MUS81: variants seen among roughly 807,000 people sequenced by gnomAD.
The protein encoded by MUS81 is MUS81 structure-specific endonuclease subunit.
Under a neutral mutation model 74.2 loss-of-function variants are expected in MUS81, and 69 were observed. The ratio of observed to expected loss-of-function variants is 0.93; its 90% CI spans 0.77 to 1.14. MUS81 has a LOEUF of 1.14. MUS81 is among the 50% of genes most tolerant of loss of function. The pLI is 0.00. For synonymous variants in MUS81, 303 were observed against 300.6 expected (o/e 1.01, Z -0.08); for missense variants, 711 against 726.5 (o/e 0.98, Z 0.25).
At chr11:65,861,666 T>C in intron 3 of MUS81, 1 of 602,144 alleles carries the variant, frequency 1.7e-6, no homozygotes, top group Non-Finnish European at 2.9e-6. Context: ...CTCAGTTAGT[T>C]ACGGGGTCAC....
upstream of MUS81, chr11:65,860,009 C>T (rs1374599708): frequency 3.6e-6 from 1 of 276,700 alleles, no homozygotes; most frequent in African/African-American, 2.2e-5. Context: ...CTCTAGGCCT[C>T]TGACCCCCGA....
rs747490735 is a variant in MUS81, at chr11:65,865,113, A to G, written c.1369A>G (p.Ser457Gly). 1 of 1,614,162 alleles carries G rather than the reference A, an allele frequency of 6.2e-7. No homozygotes were observed. The highest frequency in any genetic ancestry group is 1.3e-5 in the African/African-American group (1 of 75,026). ...CCCTCTCTGCTCACTCCTCACCTTC[A>G]GTGACTTCAACGCAGGAGCCATCAA... Reference protein sequence around the residue: ...PNPLCSLLTFSDFNAGAIKNK... With the variant: ...PNPLCSLLTFGDFNAGAIKNK... The change falls in exon 13 of 16, where the codon AGT becomes GGT. Residue 457 changes from serine (S) to glycine (G), a missense_variant. Transcript: ENST00000308110.
At chr11:65,866,971 G>A (rs1056545955), downstream of MUS81, 32 of 1,614,080 alleles carry the variant, frequency 2.0e-5, no homozygotes, top group Admixed American at 3.3e-5. Flanking sequence ...GAGCTGGCCC[G>A]GTAGCTCATG....
At chr11:65,860,220 C>G, upstream of MUS81, 1 of 455,780 alleles carries the variant, frequency 2.2e-6, no homozygotes, top group Non-Finnish European at 4.4e-6. Context: ...CCGTTTGTCT[C>G]CTAGCCCCCG....
At chr11:65,861,318 G>A in intron 2 of MUS81, 32 bp from the exon 3 acceptor site, 1 of 1,565,782 alleles carries the variant, frequency 6.4e-7, no homozygotes. Flanking sequence ...CGGATTCGTG[G>A]AGTGTGGAGT....
chr11:65,861,206 G>T (rs1351595081), intron 2 of MUS81, 104 bp downstream of exon 2: 134 of 1,577,014 alleles, frequency 8.5e-5, no homozygotes, highest in Non-Finnish European at 1.1e-4. Context: ...TCCTGTCCCA[G>T]TTGCCGTTCG....
At position 65,863,626 on chromosome 11, in the gene MUS81, G is replaced by A. The variant is rs772450771; in HGVS notation, c.866G>A (p.Arg289Gln). The A allele has an allele frequency of 3.3e-5, 53 of 1,613,862 alleles. No individual in the cohort carries two copies. The highest frequency in any genetic ancestry group is 4.2e-5 in the Non-Finnish European group (50 of 1,179,970). The change falls in exon 9 of 16, where the codon CGA becomes CAA. Residue 289 changes from arginine (R) to glutamine (Q), a missense_variant. Coordinates refer to ENST00000308110, the MANE Select transcript of MUS81 (RefSeq NM_025128.5). ...GGCGGGCACAGGCCGGAGCTGCTCC[G>A]AGAGCTACAGCGGCTGCACGTGACC... ...RGGGHRPELL[R>Q]ELQRLHVTHT...
At chr11:65,865,192 C>T (rs1422865401) in intron 13 of MUS81, 28 bp from the exon 14 acceptor site, 1 of 1,614,138 alleles carries the variant, frequency 6.2e-7, no homozygotes, top group Admixed American at 1.7e-5. Flanking sequence ...CCCAGACCCC[C>T]ACTGATCCAG....
upstream of MUS81, chr11:65,860,263 A>G (rs763127971): frequency 2.2e-6 from 1 of 456,760 alleles, no homozygotes; most frequent in South Asian, 1.5e-5. Flanking sequence ...ACCAGTCTCC[A>G]TCTCCAGCCT....
At chr11:65,864,676 C>G (rs369636388) in intron 11 of MUS81, 44 bp from the exon 12 acceptor site, 6 of 1,612,612 alleles carry the variant, frequency 3.7e-6, no homozygotes, top group Non-Finnish European at 5.1e-6. Flanking sequence ...GGTTCATGGT[C>G]TAGGCCAGGA....
Position 65,860,813 on chromosome 11 carries a change from C to T in MUS81, c.60C>T (p.Leu20=), listed in dbSNP as rs1323928941. The part of the protein sequence containing the change: ...KRPLPACPNP[L]FVRWLTEWRD... ...CGCTGCCTGCCTGTCCCAACCCGCT[C>T]TTCGTTCGCTGGCTGACCGAGTGGC... Residue 20 remains leucine, a synonymous_variant, in exon 1 of 16, where the codon CTC becomes CTT. Transcript: ENST00000308110. 1.3e-6 allele frequency: 2 copies of T among 1,547,364 alleles called. No homozygotes were observed. The highest frequency in any genetic ancestry group is 1.4e-5 in the African/African-American group (1 of 73,364).
intron 7 of MUS81, 35 bp downstream of exon 7, chr11:65,863,240 G>T (rs1434559277): frequency 6.3e-7 from 1 of 1,597,848 alleles, no homozygotes. Context: ...GGAAAACAGG[G>T]AGGAGGGGAT....
rs772680994 is a variant in MUS81, at chr11:65,864,518, C to G, written c.1081C>G (p.Leu361Val). ...EQKFRLKRCGLERRVYLVEEH... is the reference protein window; with the variant it reads ...EQKFRLKRCGVERRVYLVEEH... ...CTAGTTCCGGCTGAAGCGCTGTGGTCTGGAGCGCCGGGTATACCTGGTGGA... is the reference window on the plus strand; with the variant it reads ...CTAGTTCCGGCTGAAGCGCTGTGGTGTGGAGCGCCGGGTATACCTGGTGGA... Residue 361 changes from leucine to valine, a missense_variant, in exon 11 of 16, where the codon CTG (leucine) becomes GTG (valine). By Grantham distance (32) the Leu-to-Val change is conservative. Transcript: ENST00000308110. The G allele has an allele frequency of 6.2e-7, 1 of 1,614,068 alleles. No individual in the cohort carries two copies. Among genetic ancestry groups the G allele is most frequent in the African/African-American group, 1.3e-5 (1 of 74,950 alleles).
At chr11:65,864,412 C>T in intron 10 of MUS81, 85 bp from the exon 11 acceptor site, 2 of 1,260,260 alleles carry the variant, frequency 1.6e-6, no homozygotes, top group Non-Finnish European at 2.3e-6. Context: ...AGGGTCCCGG[C>T]ACCATTTTGA....
At chr11:65,864,898 A>G (rs1388660766) in intron 12 of MUS81, 83 bp downstream of exon 12, 2 of 1,579,632 alleles carry the variant, frequency 1.3e-6, no homozygotes, top group East Asian at 4.5e-5. Flanking sequence ...CCCCAAAAGA[A>G]GCAAGGTGGG....
At chr11:65,864,319 G>A (rs1158560197) in intron 10 of MUS81, 178 bp from the exon 11 acceptor site, 3 of 633,088 alleles carry the variant, frequency 4.7e-6, no homozygotes, top group East Asian at 2.7e-5. Flanking sequence ...CTAGACAAGA[G>A]TGTCAGCATG....
rs898538816 is a variant in MUS81 at position 65,864,902 on chromosome 11, A to C, written c.1272+87A>C. ...GCCCTGTGCATCCCCAAAAGAAGCA[A>C]GGTGGGTGAGATCCCCATTTCTCAG... On this transcript the variant is annotated intron_variant, in intron 12 of 15. Coordinates refer to ENST00000308110, the MANE Select transcript of MUS81 (RefSeq NM_025128.5). 5.1e-6 allele frequency: 8 copies of C among 1,578,858 alleles called. No homozygotes were observed. The Admixed American group carries it at 1.2e-4, about 24-fold the overall frequency.
chr11:65,865,178 C>T (rs752254168), intron 13 of MUS81, 33 bp downstream of exon 13: 1 of 1,614,226 alleles, frequency 6.2e-7, no homozygotes, highest in South Asian at 1.1e-5. Flanking sequence ...CAGACATGGC[C>T]TGGCCCAGAC....
chr11:65,862,888 G>C (rs527275795), intron 6 of MUS81, among the ~76,000 whole-genome samples, 177 bp from the exon 7 acceptor site: 33 of 152,340 alleles, frequency 2.2e-4, no homozygotes, highest in African/African-American at 7.7e-4. Flanking sequence ...GAATGGCGCT[G>C]AGCAGGCCCA....
Sources: allele counts gnomAD v4.1 joint callset (sites outside exome capture counted in the v4.1 genomes callset), GRCh38; gene constraint gnomAD v4.1.1; transcripts MANE v1.5; gene names NCBI Gene and HGNC (gene_info 2026-07-23, HGNC 2026-07-21).